TMEM132D: variants seen among roughly 807,000 people sequenced by gnomAD.
TMEM132D encodes transmembrane protein 132D, also known as mature OL transmembrane protein.
In TMEM132D, 21 loss-of-function variants were observed where a neutral mutation model predicts 62.3. The observed-to-expected ratio is 0.34, with a 90% CI of 0.24 to 0.49. The LOEUF is 0.49. Among genes scored for constraint, TMEM132D ranks in the 20% least tolerant of loss-of-function variants. TMEM132D has a pLI of 0.99. For missense variants in TMEM132D, 1,346 were observed against 1,402.8 expected, an observed-to-expected ratio of 0.96 and a Z score of 0.65; for synonymous variants, 621 against 575.6, an observed-to-expected ratio of 1.08 and a Z score of -1.13.
rs200044847 is a variant in TMEM132D, at chr12:129,673,192, A to ACT, written c.968+26617_968+26618insAG. ...CCTCTGCTACGCCCTAGCAACCATG[A>ACT]ATCGCTTCTCCATTACTATATATTA... On this transcript the variant is annotated intron_variant, in intron 2 of 8. Transcript: ENST00000422113. 8.6e-3 allele frequency among the ~76,000 whole-genome samples: 1,303 copies of ACT among 152,272 alleles called. 48 individuals carry two copies. Among genetic ancestry groups the ACT allele is most frequent in the Admixed American group, 0.075 (1,147 of 15,256 alleles).
chr12:129,499,680 G>T (rs1593039166), intron 3 of TMEM132D, among the ~76,000 whole-genome samples: 1 of 152,216 alleles, frequency 6.6e-6, no homozygotes, highest in Non-Finnish European at 1.5e-5. Context: ...ATGAACACGT[G>T]TTCTGGGACA....
intron 7 of TMEM132D, among the ~76,000 whole-genome samples, chr12:129,079,689 C>T (rs7971004): frequency 0.033 from 5,095 of 152,192 alleles, 114 homozygotes; most frequent in African/African-American, 0.057. Flanking sequence ...CCTTTGAGAC[C>T]AGGAATCAAA....
intron 4 of TMEM132D, among the ~76,000 whole-genome samples, chr12:129,336,848 C>A (rs944452744): frequency 1.3e-5 from 2 of 152,186 alleles, no homozygotes; most frequent in Non-Finnish European, 1.5e-5. Context: ...GCTCAGTCTC[C>A]TCAGACCAGA....
rs1260406029 is a variant in TMEM132D at position 129,827,203 on chromosome 12, T to G, written c.79+76058A>C. Among the ~76,000 whole-genome samples the G allele has an allele frequency of 6.6e-6, 1 of 152,222 alleles. No homozygotes were observed. The highest frequency in any genetic ancestry group is 2.4e-5 in the African/African-American group (1 of 41,458). On this transcript the variant is annotated intron_variant, in intron 1 of 8. Transcript: ENST00000422113. This position sits in a 1 kb window ranked among gnomAD's most constrained non-coding sequence, Gnocchi z 9.7. Reference sequence around the variant, plus strand: ...CTAAGCTCTCCCCAGGCTTGACCTTTTAAATTCTTAAGGCTGTCTTATGCA... The same window carrying G: ...CTAAGCTCTCCCCAGGCTTGACCTTGTAAATTCTTAAGGCTGTCTTATGCA...
chr12:129,198,874 A>G (rs1202106057), intron 5 of TMEM132D, among the ~76,000 whole-genome samples: 3 of 152,136 alleles, frequency 2.0e-5, no homozygotes, highest in Admixed American at 6.6e-5. Flanking sequence ...CATAAATCTT[A>G]ACATCACTTT....
chr12:129,877,346 C>T (rs931439139), intron 1 of TMEM132D, among the ~76,000 whole-genome samples: 1 of 152,034 alleles, frequency 6.6e-6, no homozygotes, highest in African/African-American at 2.4e-5. Flanking sequence ...TTCCTTAAAT[C>T]TCAAGCATTT....
chr12:129,412,362 G>A (rs893193923), intron 3 of TMEM132D, among the ~76,000 whole-genome samples: 2 of 152,252 alleles, frequency 1.3e-5, no homozygotes, highest in African/African-American at 4.8e-5. Context: ...CATTAATTTT[G>A]TTTGGGTTGG....
At chr12:129,780,841 G>T (rs1246843584) in intron 1 of TMEM132D, among the ~76,000 whole-genome samples, 2 of 152,152 alleles carry the variant, frequency 1.3e-5, no homozygotes, top group Non-Finnish European at 2.9e-5. Flanking sequence ...ACAGCAAAGG[G>T]ATGTTAATAA....
At chr12:129,520,144 A>G (rs1411864074) in intron 3 of TMEM132D, among the ~76,000 whole-genome samples, 2 of 152,168 alleles carry the variant, frequency 1.3e-5, no homozygotes, top group African/African-American at 4.8e-5. Flanking sequence ...TGGGTGTTTA[A>G]GCAGAACAGA....
chr12:129,842,039 T>C (rs1341039382), intron 1 of TMEM132D, among the ~76,000 whole-genome samples: 1 of 150,170 alleles, frequency 6.7e-6, no homozygotes, highest in Non-Finnish European at 1.5e-5. Context: ...CACGCCATTC[T>C]CCTGCCTCAG....
rs569041480 is a variant in TMEM132D, at chr12:129,610,600, G to A, written c.969-79395C>T. ...GTTGAAGGTACTCTGAGAAACCACCGTCCAGCCAACTGGCTGGGAGGAAGT... is the reference window on the plus strand; with the variant it reads ...GTTGAAGGTACTCTGAGAAACCACCATCCAGCCAACTGGCTGGGAGGAAGT... On this transcript the variant is annotated intron_variant, in intron 2 of 8. Coordinates refer to ENST00000422113, the MANE Select transcript of TMEM132D (RefSeq NM_133448.3). Among the ~76,000 whole-genome samples the A allele has an allele frequency of 7.9e-5, 12 of 152,180 alleles. No individual in the cohort carries two copies. In the East Asian group the frequency reaches 1.4e-3, roughly 17 times the overall value.
chr12:129,538,819 G>A (rs1225193762), intron 2 of TMEM132D, among the ~76,000 whole-genome samples: 2 of 151,972 alleles, frequency 1.3e-5, no homozygotes, highest in Non-Finnish European at 2.9e-5. Flanking sequence ...TCTGCTACTA[G>A]TGACCCCTGG....
At chr12:129,434,195 T>C (rs954184300) in intron 3 of TMEM132D, among the ~76,000 whole-genome samples, 2 of 152,166 alleles carry the variant, frequency 1.3e-5, no homozygotes, top group African/African-American at 4.8e-5. Context: ...CAGAAGAAGA[T>C]GGAAGAGACA....
intron 4 of TMEM132D, among the ~76,000 whole-genome samples, chr12:129,307,258 C>T (rs375050875): frequency 2.1e-4 from 32 of 152,108 alleles, no homozygotes; most frequent in African/African-American, 7.7e-4. Context: ...GAGTATAATC[C>T]AACCAAGTGA....
intron 5 of TMEM132D, among the ~76,000 whole-genome samples, chr12:129,174,140 T>C (rs962568088): frequency 2.0e-5 from 3 of 152,192 alleles, no homozygotes; most frequent in African/African-American, 7.2e-5. Context: ...AGGATACATG[T>C]GCAGAACATG....
At chr12:129,205,415 A>G (rs1363674086) in intron 5 of TMEM132D, among the ~76,000 whole-genome samples, 1 of 124,596 alleles carries the variant, frequency 8.0e-6, no homozygotes, top group African/African-American at 3.0e-5. Context: ...CAACAAAGAT[A>G]AAAAAAAGAA....
intron 1 of TMEM132D, chr12:129,853,124 GCCGCACCATCAGAGCATGT>G (rs2137356938): frequency 6.6e-6 from 1 of 152,300 alleles, no homozygotes; most frequent in South Asian, 2.1e-4. Flanking sequence ...CTGTGGAAAA[GCCGCACCATCAGAGCATGT>G]CTTTGCCATT....
At chr12:129,399,039 G>A (rs79154192) in intron 3 of TMEM132D, among the ~76,000 whole-genome samples, 3,417 of 152,112 alleles carry the variant, frequency 0.022, 132 homozygotes, top group African/African-American at 0.078. Flanking sequence ...TCATCCCATG[G>A]CAGGATGTGG....
intron 1 of TMEM132D, among the ~76,000 whole-genome samples, chr12:129,731,668 T>TG (rs1869243640): frequency 4.6e-5 from 2 of 43,680 alleles, no homozygotes; most frequent in African/African-American, 1.8e-4. Flanking sequence ...CCACTGGAAA[T>TG]TTTTTTTTTT....
Sources: gnomAD v4.1 joint callset for allele counts (sites outside exome capture counted in the v4.1 genomes callset) on GRCh38, gnomAD v4.1.1 for gene constraint, Gnocchi (gnomAD v3.1) non-coding constraint, MANE v1.5 for transcripts, NCBI Gene and HGNC (gene_info 2026-07-23, HGNC 2026-07-21) for gene names.